Variants in COL6A2 observed in about 807,000 individuals in gnomAD.
COL6A2 encodes collagen alpha-2(VI) chain.
COL6A2 carries 90 observed loss-of-function variants against 124.9 expected under a neutral mutation model. The observed-to-expected ratio is 0.72, with a 90% CI of 0.61 to 0.86. COL6A2 has a LOEUF of 0.86. Ranked by LOEUF, COL6A2 falls within the 40% of genes least tolerant of loss-of-function variation. The pLI is 0.00. For missense variants in COL6A2, 1,607 were observed against 1,502.5 expected (o/e 1.07, Z -1.15); for synonymous variants, 793 against 618.2 (o/e 1.28, Z -4.19).
chr21:46,110,461 T>C (rs1198658060), intron 1 of COL6A2, among the ~76,000 whole-genome samples: 4 of 152,210 alleles, frequency 2.6e-5, no homozygotes, highest in African/African-American at 9.6e-5. Context: ...CTTGAAGCTG[T>C]GAAACTCACC....
intron 27 of COL6A2, chr21:46,129,808 C>T (rs1201447494): frequency 1.7e-6 from 2 of 1,168,624 alleles, no homozygotes; most frequent in Non-Finnish European, 2.1e-6. Flanking sequence ...TCACTCCCGT[C>T]TGCAGAGTCC....
intron 5 of COL6A2, among the ~76,000 whole-genome samples, chr21:46,114,753 C>T (rs1455959268): frequency 6.6e-6 from 1 of 152,162 alleles, no homozygotes; most frequent in Non-Finnish European, 1.5e-5. Flanking sequence ...GTTTGAACAT[C>T]CCCTGCATTT....
chr21:46,129,023 C>T (rs1432566030), intron 27 of COL6A2: 2 of 1,603,454 alleles, frequency 1.2e-6, no homozygotes, highest in African/African-American at 1.3e-5. Flanking sequence ...TCACTGCCCC[C>T]ACGCCTCCTG....
rs921143676 is a variant in COL6A2, at chr21:46,132,581, G to A, written c.*29G>A. On this transcript the variant is annotated 3_prime_UTR_variant, in exon 28 of 28. Transcript: ENST00000300527. ...CGCCGCCCGGGCCCCGCAGTCGAGG[G>A]TCGTGAGCCCACCCCGTCCATGGTG... 1.3e-6 allele frequency: 2 copies of A among 1,562,166 alleles called. No individual in the cohort carries two copies. Among genetic ancestry groups the A allele is most frequent in the South Asian group, 2.3e-5 (2 of 87,032 alleles).
At chr21:46,127,105 G>T (rs868320474) in intron 27 of COL6A2, among the ~76,000 whole-genome samples, 2 of 152,156 alleles carry the variant, frequency 1.3e-5, no homozygotes, top group Non-Finnish European at 2.9e-5. Flanking sequence ...TCTGCTGGAC[G>T]TGGTGCTGCC....
intron 27 of COL6A2, among the ~76,000 whole-genome samples, chr21:46,127,151 A>G (rs1601254208): frequency 6.6e-6 from 1 of 151,994 alleles, no homozygotes; most frequent in East Asian, 2.0e-4. Context: ...CTGGGCCCAC[A>G]GGAGGTCCCC....
At chr21:46,118,719 C>T (rs1025133728) in intron 13 of COL6A2, 43 bp downstream of exon 13, 27 of 1,580,568 alleles carry the variant, frequency 1.7e-5, no homozygotes, top group Non-Finnish European at 2.3e-5. Context: ...GCTGGCCACA[C>T]TCACGCCCAT....
rs766915366 is a variant in COL6A2 at position 46,125,456 on chromosome 21, C to G, written c.1817-9C>G. The G allele has an allele frequency of 6.3e-7, 1 of 1,576,924 alleles. No homozygotes were observed. Among genetic ancestry groups the G allele is most frequent in the South Asian group, 1.1e-5 (1 of 90,040 alleles). ...CCGGTACCCCCCGATGACCCTGCCA[C>G]CCCCCCAGACTGTGAGAAGCGCTGT... On this transcript the variant is annotated splice_polypyrimidine_tract_variant and intron_variant, in intron 24 of 27. Coordinates refer to ENST00000300527, the MANE Select transcript of COL6A2 (RefSeq NM_001849.4).
intron 27 of COL6A2, chr21:46,129,658 T>TG: frequency 7.0e-7 from 1 of 1,423,504 alleles, no homozygotes; most frequent in Non-Finnish European, 9.1e-7. Flanking sequence ...CTTCCCATGC[T>TG]GGTGGCCACC....
intron 23 of COL6A2, 33 bp downstream of exon 23, chr21:46,124,953 T>C (rs779630768): frequency 1.9e-6 from 3 of 1,612,138 alleles, no homozygotes; most frequent in East Asian, 2.2e-5. Flanking sequence ...CCAGTGTCCT[T>C]CTCCTGCCAA....
intron 15 of COL6A2, among the ~76,000 whole-genome samples, chr21:46,120,248 A>G (rs1257080157): frequency 1.3e-5 from 2 of 151,752 alleles, no homozygotes; most frequent in African/African-American, 4.8e-5. Flanking sequence ...CATCAGGTGA[A>G]GGGGCTTCCT....
In COL6A2 at chr21:46,117,919, G is replaced by A; in HGVS notation, c.1099G>A (p.Gly367Arg). The A allele has an allele frequency of 6.2e-7, 1 of 1,612,990 alleles. No individual in the cohort carries two copies. The highest frequency in any genetic ancestry group is 8.5e-7 in the Non-Finnish European group (1 of 1,179,856). The change falls in exon 12 of 28, where the codon GGA becomes AGA. Residue 367 changes from glycine to arginine, a missense_variant. This residue lies in a region of COL6A2 where 1,223 missense variants were observed against 1,052.2 expected (regional missense o/e 1.16). Transcript: ENST00000300527. The stretch of plus-strand genomic sequence containing the variant: ...GGAAGCAGGGAGTCCAGGGGAGCGA[G>A]GAGACCAAGGCGGCAAGGTAAGTGG... ...PGEAGSPGER[G>R]DQGGKGDPGR... is the part of the protein sequence containing the mutation.
At chr21:46,110,319 T>A (rs1196673835) in intron 1 of COL6A2, among the ~76,000 whole-genome samples, 1 of 152,068 alleles carries the variant, frequency 6.6e-6, no homozygotes, top group African/African-American at 2.4e-5. Flanking sequence ...GATATTTATC[T>A]GTAGAGTTAC....
chr21:46,131,531 G>A (rs1008536028), intron 27 of COL6A2, among the ~76,000 whole-genome samples: 1 of 152,214 alleles, frequency 6.6e-6, no homozygotes, highest in African/African-American at 2.4e-5. Context: ...GCGATTGAGG[G>A]GTCAGGCTGG....
intron 13 of COL6A2, 63 bp downstream of exon 13, chr21:46,118,739 G>C (rs1225821190): frequency 2.5e-5 from 38 of 1,536,430 alleles, no homozygotes; most frequent in Non-Finnish European, 3.4e-5. Flanking sequence ...TGGCCCAGAT[G>C]AACAGTCACG....
At chr21:46,120,653 G>GGA in intron 16 of COL6A2, 76 bp downstream of exon 16, 1 of 1,364,504 alleles carries the variant, frequency 7.3e-7, no homozygotes, top group Admixed American at 2.9e-5. Context: ...CCAAGGTAGG[G>GGA]TGGCCGGGAC....
chr21:46,112,522 T>C lies in COL6A2; in HGVS notation c.659T>C (p.Leu220Pro), dbSNP rs1208218678. ...ELYRNDYATMLPDSTEIDQDT... is the reference protein window; with the variant it reads ...ELYRNDYATMPPDSTEIDQDT... Reference sequence around the variant, plus strand: ...TACCGCAACGACTACGCCACCATGCTGCCCGACTCCACCGAGATCGACCAG... The same window carrying C: ...TACCGCAACGACTACGCCACCATGCCGCCCGACTCCACCGAGATCGACCAG... Residue 220 changes from leucine to proline, a missense_variant, in exon 3 of 28, where the codon CTG (leucine) becomes CCG (proline). Transcript: ENST00000300527. 3 of 1,605,796 alleles carry C rather than the reference T, an allele frequency of 1.9e-6. No homozygotes were observed. The South Asian group carries it at 3.3e-5, about 18-fold the overall frequency.
intron 22 of COL6A2, 63 bp from the exon 23 acceptor site, chr21:46,124,822 C>T (rs1216266534): frequency 3.7e-6 from 6 of 1,607,098 alleles, no homozygotes; most frequent in Admixed American, 1.7e-5. Context: ...GGGCAGTGGC[C>T]TGGGAGAGAC....
rs765255442 is a variant in COL6A2, at chr21:46,126,542, G to A, written c.2461+1G>A. The A allele has an allele frequency of 2.5e-6, 4 of 1,613,518 alleles. No individual in the cohort carries two copies. The highest frequency in any genetic ancestry group is 3.4e-6 in the Non-Finnish European group (4 of 1,179,942). On this transcript the variant is annotated splice_donor_variant, in intron 27 of 27. Transcript: ENST00000300527. LOFTEE classifies it high-confidence loss of function. ...TGCCCAGACCTTCCCTGCCAAACAG[G>A]TAATGCAGGGCACCCTGAGCCACCA... is the stretch of plus-strand genomic sequence containing the variant.
Sources: gnomAD v4.1 joint callset for allele counts (sites outside exome capture counted in the v4.1 genomes callset) on GRCh38, gnomAD v4.1.1 for gene constraint, gnomAD v4.1.1 regional missense constraint, MANE v1.5 for transcripts, NCBI Gene and HGNC (gene_info 2026-07-23, HGNC 2026-07-21) for gene names.